Variants in KCNN2 observed in about 807,000 individuals in gnomAD.
KCNN2 encodes the protein potassium calcium-activated channel subfamily N member 2, also known as small conductance calcium-activated potassium channel protein 2.
Under a neutral mutation model 55.5 loss-of-function variants are expected in KCNN2, and 24 were observed. That is an observed-to-expected ratio of 0.43 (90% CI 0.31 to 0.61). KCNN2 has a LOEUF of 0.61. Ranked by LOEUF, KCNN2 falls within the 20% of genes least tolerant of loss-of-function variation. The pLI, the probability that KCNN2 is intolerant of heterozygous loss-of-function variation, is 0.08. For missense variants in KCNN2, 754 were observed against 853.6 expected, an observed-to-expected ratio of 0.88 and a Z score of 1.45; for synonymous variants, 431 against 336.1, an observed-to-expected ratio of 1.28 and a Z score of -3.09.
intron 2 of KCNN2, among the ~76,000 whole-genome samples, chr5:114,278,890 G>A (rs1405687844): frequency 6.6e-6 from 1 of 152,048 alleles, no homozygotes; most frequent in African/African-American, 2.4e-5. Flanking sequence ...TGTCCAACCA[G>A]ACTCAATGAG....
intron 1 of KCNN2, among the ~76,000 whole-genome samples, chr5:114,067,065 G>T (rs17348806): frequency 0.15 from 22,479 of 152,144 alleles, 1,767 homozygotes; most frequent in Middle Eastern, 0.21. Context: ...TCCCCACTTA[G>T]GTAAACCACA....
chr5:114,067,637 G>C (rs1009812377), intron 1 of KCNN2, among the ~76,000 whole-genome samples: 1 of 152,080 alleles, frequency 6.6e-6, no homozygotes, highest in African/African-American at 2.4e-5. Flanking sequence ...AGAAAATTTG[G>C]AAGGAATGGA....
intron 3 of KCNN2, among the ~76,000 whole-genome samples, chr5:114,431,308 G>A (rs1191390419): frequency 1.3e-5 from 2 of 151,712 alleles, no homozygotes; most frequent in Non-Finnish European, 2.9e-5. Flanking sequence ...TTTCTTGTGT[G>A]ATTTTTGGCA....
At chr5:114,455,553 C>G (rs1342613072) in intron 3 of KCNN2, among the ~76,000 whole-genome samples, 1 of 152,170 alleles carries the variant, frequency 6.6e-6, no homozygotes, top group Non-Finnish European at 1.5e-5. Flanking sequence ...CAAGTGTTCA[C>G]GTGACAAGAA....
chr5:114,457,257 G>GA (rs1276340210), intron 3 of KCNN2, among the ~76,000 whole-genome samples: 3 of 152,018 alleles, frequency 2.0e-5, no homozygotes, highest in Admixed American at 2.0e-4. Context: ...CCCTCCACCA[G>GA]AAAAAAGATT....
chr5:114,189,133 A>AGTGTGTGTGTGTGTGTGTGTGTGTATGT (rs34640722), intron 1 of KCNN2, among the ~76,000 whole-genome samples: 2 of 149,896 alleles, frequency 1.3e-5, no homozygotes, highest in African/African-American at 4.9e-5. Flanking sequence ...TAGAACCAAT[A>AGTGTGTGTGTGTGTGTGTGTGTGTATGT]GTGTGTGTGT....
At chr5:114,176,146 G>T (rs1265427228) in intron 1 of KCNN2, among the ~76,000 whole-genome samples, 1 of 152,148 alleles carries the variant, frequency 6.6e-6, no homozygotes, top group Non-Finnish European at 1.5e-5. Context: ...GGCCTGTCAT[G>T]TGTAATGCAG....
At chr5:114,146,515 G>T (rs1404730433) in intron 1 of KCNN2, among the ~76,000 whole-genome samples, 1 of 152,120 alleles carries the variant, frequency 6.6e-6, no homozygotes, top group Non-Finnish European at 1.5e-5. Flanking sequence ...ATGAGAAGTG[G>T]CTTCTCCGGT....
At chr5:114,442,933 T>G (rs1276496201) in intron 3 of KCNN2, among the ~76,000 whole-genome samples, 2 of 151,758 alleles carry the variant, frequency 1.3e-5, no homozygotes, top group Non-Finnish European at 2.9e-5. Flanking sequence ...TGGAACGTCA[T>G]TTAGAGGGAC....
intron 5 of KCNN2, among the ~76,000 whole-genome samples, chr5:114,485,050 G>A (rs778488696): frequency 4.3e-4 from 66 of 152,052 alleles, no homozygotes; most frequent in Non-Finnish European, 8.4e-4. Flanking sequence ...AAAATGCATC[G>A]GTCACCTTTT....
In KCNN2 at chr5:114,088,930, A is replaced by G. The variant is rs550416411; in HGVS notation, c.-271+32430A>G. 1.3e-4 allele frequency among the ~76,000 whole-genome samples: 20 copies of G among 152,270 alleles called. No homozygotes were observed. The South Asian group carries it at 3.9e-3, about 30-fold the overall frequency. On this transcript the variant is annotated intron_variant, in intron 1 of 10. Coordinates refer to the KCNN2 transcript ENST00000512097. ...GCCACTGCGCCCAGCCACATTTTTTATTTTAAATATTGTAATATCAGTTTT... is the reference window on the plus strand; with the variant it reads ...GCCACTGCGCCCAGCCACATTTTTTGTTTTAAATATTGTAATATCAGTTTT...
intron 2 of KCNN2, among the ~76,000 whole-genome samples, chr5:114,228,109 A>G (rs1023129884): frequency 3.3e-5 from 5 of 152,146 alleles, no homozygotes; most frequent in Non-Finnish European, 7.4e-5. Flanking sequence ...TTGGTGAATT[A>G]TGAAAAACAA....
At position 114,463,230 on chromosome 5, in the gene KCNN2, C is replaced by G. The variant is rs762085816; in HGVS notation, c.1779+40C>G. ...ACTTCACATCTCTTTTATTTACGCT[C>G]AAGAAGGCACTTAAACCACTCAGTC... is the stretch of plus-strand genomic sequence containing the variant. On this transcript the variant is annotated intron_variant, in intron 4 of 7. Coordinates refer to ENST00000673685, the MANE Select transcript of KCNN2 (RefSeq NM_021614.4). 6.4e-6 allele frequency: 10 copies of G among 1,562,722 alleles called. No individual in the cohort carries two copies. In the South Asian group the frequency reaches 7.1e-5, roughly 11 times the overall value.
chr5:114,338,397 G>T (rs1047113918), intron 2 of KCNN2, among the ~76,000 whole-genome samples: 3 of 152,078 alleles, frequency 2.0e-5, no homozygotes, highest in Non-Finnish European at 2.9e-5. Flanking sequence ...ATATTTGGGG[G>T]CAAGCTTGTG....
At chr5:114,442,752 T>C (rs1206642475) in intron 3 of KCNN2, among the ~76,000 whole-genome samples, 2 of 152,032 alleles carry the variant, frequency 1.3e-5, no homozygotes, top group African/African-American at 2.4e-5. Context: ...CTAAAGGATA[T>C]GTAAGAGAGG....
chr5:114,102,359 G>A (rs1195818375), intron 1 of KCNN2, among the ~76,000 whole-genome samples: 2 of 149,754 alleles, frequency 1.3e-5, no homozygotes, highest in Non-Finnish European at 3.0e-5. Context: ...TGGATAGATT[G>A]CAAAAATTTT....
chr5:114,137,096 T>C lies in KCNN2; in HGVS notation c.-271+80596T>C, dbSNP rs369257634. Among the ~76,000 whole-genome samples the C allele has an allele frequency of 2.6e-5, 4 of 152,306 alleles. No individual in the cohort carries two copies. In the East Asian group the frequency reaches 5.8e-4, roughly 22 times the overall value. ...TAGTATAGTGCAATTAATCAATATT[T>C]GAATGAATATTCTTTCAGTATGATT... On this transcript the variant is annotated intron_variant, in intron 1 of 10. Coordinates refer to the KCNN2 transcript ENST00000512097.
intron 2 of KCNN2, among the ~76,000 whole-genome samples, chr5:114,289,470 A>G (rs78209833): frequency 1.3e-5 from 2 of 150,994 alleles, no homozygotes; most frequent in African/African-American, 4.9e-5. Flanking sequence ...TCCACCTCGC[A>G]GATTCAAGTG....
At chr5:114,403,085 C>A (rs757802076) in intron 2 of KCNN2, among the ~76,000 whole-genome samples, 4 of 152,136 alleles carry the variant, frequency 2.6e-5, no homozygotes, top group Non-Finnish European at 4.4e-5. Context: ...TGAGACTTGA[C>A]ATTTCTTTAC....
Sources: allele counts gnomAD v4.1 joint callset (sites outside exome capture counted in the v4.1 genomes callset), GRCh38; gene constraint gnomAD v4.1.1; transcripts MANE v1.5; gene names NCBI Gene and HGNC (gene_info 2026-07-23, HGNC 2026-07-21).